HSD17B14: variants seen among roughly 807,000 people sequenced by gnomAD.
The protein encoded by HSD17B14 is hydroxysteroid 17-beta dehydrogenase 14.
HSD17B14 carries 32 observed loss-of-function variants against 32.2 expected under a neutral mutation model. The ratio of observed to expected loss-of-function variants is 0.99; its 90% CI spans 0.75 to 1.33. HSD17B14 has a LOEUF of 1.33. Among genes scored for constraint, HSD17B14 ranks in the 40% most tolerant of loss-of-function variants. The pLI, the probability that HSD17B14 is intolerant of heterozygous loss-of-function variation, is 0.00. For missense variants in HSD17B14, 370 were observed against 366.5 expected, an observed-to-expected ratio of 1.01 and a Z score of -0.08; for synonymous variants, 140 against 155.4, an observed-to-expected ratio of 0.90 and a Z score of 0.74.
rs770469988 is a variant in HSD17B14 at position 48,815,106 on chromosome 19, A to T, written c.405T>A (p.Asn135Lys). Residue 135 changes from asparagine to lysine, a missense_variant, in exon 6 of 9, where the codon AAT becomes AAA. Physicochemically the swap from Asn to Lys is moderately conservative, Grantham distance 94 (BLOSUM62 0). Coordinates refer to ENST00000263278, the MANE Select transcript of HSD17B14 (RefSeq NM_016246.3). ...ALPYLRKSQG[N>K]VINISSLVGA... ...CCACCAGGCTGGAGATGTTGATGAC[A>T]TTCCCTTGACTCTTCCGCAGGTAGG... The T allele has an allele frequency of 1.2e-6, 2 of 1,613,954 alleles. No homozygotes were observed. The highest frequency in any genetic ancestry group is 2.2e-5 in the South Asian group (2 of 91,076).
intron 6 of HSD17B14, 89 bp downstream of exon 6, chr19:48,814,948 G>T: frequency 1.1e-6 from 1 of 926,592 alleles, no homozygotes; most frequent in Non-Finnish European, 1.7e-6. Context: ...CCAAGATCTT[G>T]CTAGGTCTGG....
Position 48,836,380 on chromosome 19 carries a change from A to G in HSD17B14, c.32T>C (p.Val11Ala). 1 of 1,610,748 alleles carries G rather than the reference A, an allele frequency of 6.2e-7. No homozygotes were observed. Among genetic ancestry groups the G allele is most frequent in the Non-Finnish European group, 8.5e-7 (1 of 1,179,294 alleles). The change falls in exon 1 of 9, where the codon GTG (valine) becomes GCG (alanine). Residue 11 changes from valine to alanine, a missense_variant. Physicochemically the swap from Val to Ala is moderately conservative, Grantham distance 64. Coordinates refer to ENST00000263278, the MANE Select transcript of HSD17B14 (RefSeq NM_016246.3). ...GCGCCCGCCCCCGGTCACGACCACC[A>G]CCTTCCCGGCATAGCGCGTTCCCGT... MATGTRYAGK[V>A]VVVTGGGRGI...
intron 5 of HSD17B14, among the ~76,000 whole-genome samples, chr19:48,824,552 C>T (rs1007300563): frequency 2.6e-5 from 4 of 151,342 alleles, no homozygotes; most frequent in East Asian, 2.0e-4. Flanking sequence ...AGGCGGATCA[C>T]GAGGTCAGGA....
At chr19:48,818,918 A>G (rs2035100932) in intron 5 of HSD17B14, among the ~76,000 whole-genome samples, 2 of 152,208 alleles carry the variant, frequency 1.3e-5, no homozygotes, top group Non-Finnish European at 2.9e-5. Context: ...AGGTCAGAGA[A>G]GAACAGGGGC....
intron 5 of HSD17B14, among the ~76,000 whole-genome samples, chr19:48,826,392 G>A (rs2035246005): frequency 6.7e-6 from 1 of 148,644 alleles, no homozygotes; most frequent in African/African-American, 2.5e-5. Flanking sequence ...TCCTCGGGAG[G>A]CTGAGGCAGG....
At chr19:48,833,253 C>T (rs753604522) in intron 3 of HSD17B14, among the ~76,000 whole-genome samples, 3 of 150,788 alleles carry the variant, frequency 2.0e-5, no homozygotes, top group Non-Finnish European at 3.0e-5. Context: ...ACACTGCAGT[C>T]GTCACACCCA....
At chr19:48,821,869 GATGATC>G (rs2035155843) in intron 5 of HSD17B14, among the ~76,000 whole-genome samples, 1 of 152,050 alleles carries the variant, frequency 6.6e-6, no homozygotes, top group Non-Finnish European at 1.5e-5. Context: ...TAATGATAGT[GATGATC>G]ATGATGGTGA....
intron 5 of HSD17B14, among the ~76,000 whole-genome samples, chr19:48,815,644 G>A (rs936933691): frequency 6.6e-6 from 1 of 151,892 alleles, no homozygotes; most frequent in Non-Finnish European, 1.5e-5. Flanking sequence ...CCAAAGTGTT[G>A]GGATTACAGG....
Position 48,835,849 on chromosome 19 carries a change from A to G in HSD17B14, c.89-6T>C. ...CACTCGGGCCCCGCTGTTCACTGAGAATAGGAAGGGAACAGGTTACTCTCC... is the reference window on the plus strand; with the variant it reads ...CACTCGGGCCCCGCTGTTCACTGAGGATAGGAAGGGAACAGGTTACTCTCC... On this transcript the variant is annotated splice_region_variant and splice_polypyrimidine_tract_variant and intron_variant, in intron 1 of 8. Coordinates refer to ENST00000263278, the MANE Select transcript of HSD17B14 (RefSeq NM_016246.3). The G allele has an allele frequency of 6.2e-7, 1 of 1,613,246 alleles. No individual in the cohort carries two copies. The highest frequency in any genetic ancestry group is 8.5e-7 in the Non-Finnish European group (1 of 1,179,482).
Position 48,813,233 on chromosome 19 carries a change from C to G in HSD17B14, c.755G>C (p.Gly252Ala). The change falls in exon 9 of 9, where the codon GGG becomes GCG. Residue 252 changes from glycine to alanine, a missense_variant. By Grantham distance (60) the Gly-to-Ala change is moderately conservative. Coordinates refer to ENST00000263278, the MANE Select transcript of HSD17B14 (RefSeq NM_016246.3). ...ELLVTGGAEL[G>A]YGCKASRSTP... is the part of the protein sequence containing the mutation. ...GCTCCGACTGGCCTTGCACCCGTAC[C>G]CCAGCTCTGCACCCCCCGTCACGAG... 6.2e-7 allele frequency: 1 copy of G among 1,611,134 alleles called. No individual in the cohort carries two copies. Among genetic ancestry groups the G allele is most frequent in the South Asian group, 1.1e-5 (1 of 90,458 alleles).
At chr19:48,833,572 A>G (rs1482302000) in intron 3 of HSD17B14, among the ~76,000 whole-genome samples, 2 of 152,044 alleles carry the variant, frequency 1.3e-5, no homozygotes, top group South Asian at 2.1e-4. Context: ...CATGCTTGTA[A>G]TCCCAGCACT....
intron 5 of HSD17B14, among the ~76,000 whole-genome samples, chr19:48,817,481 A>C (rs911730751): frequency 1.3e-5 from 2 of 152,034 alleles, no homozygotes; most frequent in African/African-American, 2.4e-5. Context: ...GCCTGGCCCC[A>C]AAAAATAAAA....
At chr19:48,826,148 A>T (rs1434212547) in intron 5 of HSD17B14, among the ~76,000 whole-genome samples, 1 of 151,990 alleles carries the variant, frequency 6.6e-6, no homozygotes, top group Non-Finnish European at 1.5e-5. Flanking sequence ...AAGAGAAACA[A>T]GAAATGTGGT....
chr19:48,832,775 C>T (rs777655600), intron 3 of HSD17B14, 43 bp from the exon 4 acceptor site: 15 of 1,470,842 alleles, frequency 1.0e-5, no homozygotes, highest in East Asian at 4.6e-5. Context: ...TTTTTGGAGA[C>T]GGTGTCTCCC....
Position 48,831,744 on chromosome 19 carries a change from C to T in HSD17B14, c.293G>A (p.Arg98Lys). The T allele has an allele frequency of 6.2e-7, 1 of 1,611,844 alleles. No homozygotes were observed. The highest frequency in any genetic ancestry group is 1.3e-5 in the African/African-American group (1 of 74,662). The change falls in exon 5 of 9, where the codon AGG becomes AAG. Residue 98 changes from arginine (R) to lysine (K), a missense_variant. Arg to Lys is a conservative substitution (Grantham distance 26). Coordinates refer to ENST00000263278, the MANE Select transcript of HSD17B14 (RefSeq NM_016246.3). The stretch of plus-strand genomic sequence containing the variant: ...TCCCTGGGCAGAGGTCTCCTCAGGC[C>T]TCTGTGGGGGTGGGTCTAAAGTGGG... ...NNAGHHPPPQ[R>K]PEETSAQGFR... is the part of the protein sequence containing the mutation.
At chr19:48,813,375 G>C (rs531458314) in intron 8 of HSD17B14, 27 bp from the exon 9 acceptor site, 8 of 1,557,608 alleles carry the variant, frequency 5.1e-6, no homozygotes, top group Non-Finnish European at 7.0e-6. Flanking sequence ...GGGGAAGGAG[G>C]TCAAGAGGAG....
intron 3 of HSD17B14, 25 bp from the exon 4 acceptor site, chr19:48,832,757 GTTTTT>G (rs372590687): frequency 5.7e-6 from 8 of 1,413,870 alleles, no homozygotes; most frequent in African/African-American, 1.4e-5. Flanking sequence ...AATGTCCTTT[GTTTTT>G]TTTTTTTGGA....
chr19:48,836,482 G>A lies in HSD17B14; in HGVS notation c.-71C>T. On this transcript the variant is annotated 5_prime_UTR_variant, in exon 1 of 9. It introduces an in-frame stop codon into an upstream open reading frame of the 5' UTR. Coordinates refer to ENST00000263278, the MANE Select transcript of HSD17B14 (RefSeq NM_016246.3). ...ACCTCCAAAGCCCCGTGAGGCCGTC[G>A]CATCAAATCCTCAATAGAGGCTGGA... 12 of 1,498,210 alleles carry A rather than the reference G, an allele frequency of 8.0e-6. 1 individual carries two copies. The highest frequency in any genetic ancestry group is 4.5e-5 in the South Asian group (4 of 88,662). 92.8% of individuals were successfully genotyped at this position (1,498,210 alleles called of 1,614,324 possible). A position where few individuals can be genotyped will look rare whatever the true frequency, so the allele number is the denominator to read the frequency against.
chr19:48,835,781 G>T (rs776205978), intron 2 of HSD17B14, 24 bp downstream of exon 2: 11 of 1,613,092 alleles, frequency 6.8e-6, no homozygotes, highest in Non-Finnish European at 9.3e-6. Context: ...GGGCCAAGGT[G>T]AGGGCTGAGG....
Sources: allele counts gnomAD v4.1 joint callset (sites outside exome capture counted in the v4.1 genomes callset), GRCh38; gene constraint gnomAD v4.1.1; transcripts MANE v1.5; gene names NCBI Gene and HGNC (gene_info 2026-07-23, HGNC 2026-07-21).